The following RBPJ variants were observed in gnomAD, a reference collection of about 807,000 sequenced individuals.
RBPJ encodes the protein recombination signal binding protein for immunoglobulin kappa J region.
A neutral mutation model predicts 67.8 loss-of-function variants in RBPJ; 9 were observed. The ratio of observed to expected loss-of-function variants is 0.13; its 90% confidence interval spans 0.08 to 0.23. The LOEUF (loss-of-function observed/expected upper bound fraction) is 0.23. Among genes scored for constraint, RBPJ ranks in the 10% least tolerant of loss-of-function variants. RBPJ has a pLI of 1.00. For missense variants in RBPJ, 305 were observed against 595.6 expected (o/e 0.51, Z 5.08); for synonymous variants, 198 against 203.3 (o/e 0.97, Z 0.22).
the RBPJ span, among the ~76,000 whole-genome samples, chr4:26,153,168 C>A: frequency 3.9e-5 from 6 of 152,332 alleles, no homozygotes; most frequent in African/African-American, 1.2e-4. Flanking sequence ...GTGACCCTAG[C>A]TCAGCCACCC....
At chr4:26,286,493 A>G (rs1011138832) in intron 1 of RBPJ, among the ~76,000 whole-genome samples, 2 of 144,242 alleles carry the variant, frequency 1.4e-5, no homozygotes, top group African/African-American at 2.5e-5. Context: ...AAAAAAAAAA[A>G]AGAGACAAAC....
intron 1 of RBPJ, 137 bp downstream of exon 1, chr4:26,321,185 CGCG>C (rs544736661): frequency 2.6e-4 from 69 of 267,970 alleles, no homozygotes; most frequent in Non-Finnish European, 3.7e-4. Context: ...GTGCGCCGAG[CGCG>C]GCGGCGGCGG....
At chr4:26,233,370 A>G (rs868689824) in intron 1 of RBPJ, among the ~76,000 whole-genome samples, 11 of 152,204 alleles carry the variant, frequency 7.2e-5, no homozygotes, top group Non-Finnish European at 1.6e-4. Context: ...ATTACCTACC[A>G]TCTGATTTGG....
intron 2 of RBPJ, among the ~76,000 whole-genome samples, chr4:26,402,435 C>T (rs528638906): frequency 1.3e-5 from 2 of 152,208 alleles, no homozygotes; most frequent in East Asian, 3.9e-4. Flanking sequence ...TTTTCCATAC[C>T]CTGGAAGGTA....
intron 1 of RBPJ, among the ~76,000 whole-genome samples, chr4:26,381,395 AG>A (rs1332348809): frequency 6.6e-6 from 1 of 152,126 alleles, no homozygotes; most frequent in Non-Finnish European, 1.5e-5. Flanking sequence ...TACTATTTAC[AG>A]GTAGGAAGCA....
chr4:26,370,314 C>T (rs575775087), intron 1 of RBPJ, among the ~76,000 whole-genome samples: 59 of 152,098 alleles, frequency 3.9e-4, no homozygotes, highest in Non-Finnish European at 7.6e-4. Context: ...ATCTGAAATT[C>T]TTCTTTATAT....
At chr4:26,152,776 GAA>G in the RBPJ span, among the ~76,000 whole-genome samples, 1 of 152,228 alleles carries the variant, frequency 6.6e-6, no homozygotes, top group Non-Finnish European at 1.5e-5. Context: ...TTGAGAAGTT[GAA>G]AAGAGTGGAA....
chr4:26,118,236 G>GGA, the RBPJ span, among the ~76,000 whole-genome samples: 2 of 152,172 alleles, frequency 1.3e-5, no homozygotes, highest in Non-Finnish European at 2.9e-5. Context: ...GTCCTGCTCT[G>GGA]GAAACCCTGG....
At chr4:26,388,498 C>G (rs1021712941) in intron 2 of RBPJ, among the ~76,000 whole-genome samples, 1 of 152,082 alleles carries the variant, frequency 6.6e-6, no homozygotes, top group Admixed American at 6.6e-5. Context: ...TGAAGTATAG[C>G]TTTATTTGTA....
chr4:26,212,821 T>C (rs1718477885), intron 1 of RBPJ, among the ~76,000 whole-genome samples: 1 of 152,176 alleles, frequency 6.6e-6, no homozygotes, highest in African/African-American at 2.4e-5. Context: ...GTCACATTTC[T>C]ACATCAGTGT....
At chr4:26,258,645 A>C (rs901034455) in intron 1 of RBPJ, among the ~76,000 whole-genome samples, 4 of 150,280 alleles carry the variant, frequency 2.7e-5, no homozygotes, top group Non-Finnish European at 5.9e-5. Flanking sequence ...CATAAGCTTC[A>C]TCAAATTCAA....
chr4:26,225,800 C>T (rs1719055749), intron 1 of RBPJ, among the ~76,000 whole-genome samples: 1 of 151,682 alleles, frequency 6.6e-6, no homozygotes, highest in Admixed American at 6.6e-5. Flanking sequence ...AGGGCAAACA[C>T]TAATAAAATA....
the RBPJ span, among the ~76,000 whole-genome samples, chr4:26,109,650 C>G: frequency 1.4e-5 from 1 of 70,304 alleles, no homozygotes; most frequent in Non-Finnish European, 2.8e-5. Context: ...CTGTCTCTCT[C>G]TCTCTCTCTC....
At chr4:26,386,305 TA>T in intron 1 of RBPJ, 47 bp from the exon 2 acceptor site, 1 of 1,325,434 alleles carries the variant, frequency 7.5e-7, no homozygotes, top group Non-Finnish European at 1.1e-6. Context: ...CTGTAGAGTG[TA>T]TCATAAAGCT....
At chr4:26,154,509 G>C in the RBPJ span, among the ~76,000 whole-genome samples, 1 of 151,970 alleles carries the variant, frequency 6.6e-6, no homozygotes. Flanking sequence ...CTTCCATGCT[G>C]CTGTGGTCCC....
At chr4:26,146,337 C>T in the RBPJ span, among the ~76,000 whole-genome samples, 24 of 152,146 alleles carry the variant, frequency 1.6e-4, no homozygotes, top group African/African-American at 5.1e-4. Context: ...AATCAGCTAT[C>T]CCATGCAAAA....
In RBPJ at chr4:26,210,213, T is replaced by C. The variant is rs189053223; in HGVS notation, c.-167+46599T>C. Among the ~76,000 whole-genome samples the C allele has an allele frequency of 7.9e-5, 12 of 152,322 alleles. No homozygotes were observed. The East Asian group carries it at 2.3e-3, about 29-fold the overall frequency. The stretch of plus-strand genomic sequence containing the variant: ...CAACACAGATCCAAGAGTTTGACAG[T>C]GTTCTACAGTGGGAATATAGTCTTC... On this transcript the variant is annotated intron_variant, in intron 1 of 4. Transcript: ENST00000512351.
chr4:26,384,890 TC>T (rs1472514402), intron 1 of RBPJ, among the ~76,000 whole-genome samples: 1 of 38,202 alleles, frequency 2.6e-5, no homozygotes, highest in Non-Finnish European at 4.9e-5. Flanking sequence ...CTCTCCCCTC[TC>T]CCCTCTTGCC....
intron 1 of RBPJ, among the ~76,000 whole-genome samples, chr4:26,358,610 C>CAAAA (rs771623602): frequency 7.0e-5 from 3 of 43,088 alleles, no homozygotes; most frequent in African/African-American, 1.6e-4. Flanking sequence ...CCCATCTCTG[C>CAAAA]AAAAAAAAAA....
Sources: gnomAD v4.1 joint callset for allele counts (sites outside exome capture counted in the v4.1 genomes callset) on GRCh38, gnomAD v4.1.1 for gene constraint, MANE v1.5 for transcripts, NCBI Gene and HGNC (gene_info 2026-07-23, HGNC 2026-07-21) for gene names.